The following CACNA2D2 variants were observed in gnomAD, a reference collection of about 807,000 sequenced individuals.
The protein encoded by CACNA2D2 is voltage-dependent calcium channel subunit alpha-2/delta-2.
Under a neutral mutation model 166.4 loss-of-function variants are expected in CACNA2D2, and 48 were observed. That is an observed-to-expected ratio of 0.29 (90% confidence interval 0.23 to 0.37). The LOEUF (loss-of-function observed/expected upper bound fraction) is 0.37. Ranked by LOEUF, CACNA2D2 falls within the 10% of genes least tolerant of loss-of-function variation. CACNA2D2 has a pLI of 1.00. For synonymous variants in CACNA2D2, 561 were observed against 573.7 expected, an observed-to-expected ratio of 0.98 and a Z score of 0.32; for missense variants, 1,122 against 1,433.0, an observed-to-expected ratio of 0.78 and a Z score of 3.50.
Position 50,367,701 on chromosome 3 carries a change from G to A in CACNA2D2, c.2238C>T (p.Tyr746=). 6.2e-7 allele frequency: 1 copy of A among 1,612,614 alleles called. No individual in the cohort carries two copies. Among genetic ancestry groups the A allele is most frequent in the Non-Finnish European group, 8.5e-7 (1 of 1,179,172 alleles). ...RVWRDQDLNT[Y]SLLAVFAATD... ...TGGCAGCGAACACGGCCAGTAGGCT[G>A]TACCTGGGGGTAGCAGGGGGGTGGG... The change falls in exon 26 of 38, where the codon TAC becomes TAT. Residue 746 remains tyrosine, a synonymous_variant. Coordinates refer to ENST00000424201, the MANE Select transcript of CACNA2D2 (RefSeq NM_006030.4). This position sits in a 1 kb window ranked among gnomAD's most constrained non-coding sequence, Gnocchi z 6.5.
At chr3:50,392,899 G>A (rs1373877127) in intron 4 of CACNA2D2, among the ~76,000 whole-genome samples, 1 of 152,194 alleles carries the variant, frequency 6.6e-6, no homozygotes, top group Non-Finnish European at 1.5e-5. Context: ...TCATTCATTT[G>A]TTCACCTTAG....
chr3:50,374,980 C>A (rs995674729), intron 21 of CACNA2D2, among the ~76,000 whole-genome samples, 167 bp from the exon 22 acceptor site: 1 of 152,076 alleles, frequency 6.6e-6, no homozygotes, highest in Non-Finnish European at 1.5e-5. Context: ...GTCTAGGGGC[C>A]GGCACCCTGG....
chr3:50,364,322 C>A lies in CACNA2D2; in HGVS notation c.*344G>T. On this transcript the variant is annotated 3_prime_UTR_variant, in exon 38 of 38. Coordinates refer to ENST00000424201, the MANE Select transcript of CACNA2D2 (RefSeq NM_006030.4). ...GGGTCAGCTGAGGCAGGGTCCCCCC[C>A]AACATAGGCAGCCTCCAGGAAGGGC... 1 of 304,852 alleles carries A rather than the reference C, an allele frequency of 3.3e-6. No homozygotes were observed. The highest frequency in any genetic ancestry group is 6.1e-6 in the Non-Finnish European group (1 of 164,762). 18.9% of individuals were successfully genotyped at this position (304,852 alleles called of 1,614,324 possible).
chr3:50,485,793 T>C (rs1268930296), intron 1 of CACNA2D2, among the ~76,000 whole-genome samples: 1 of 152,182 alleles, frequency 6.6e-6, no homozygotes, highest in African/African-American at 2.4e-5. Context: ...GCACCAGTTT[T>C]CACTGTTTGA....
chr3:50,371,996 A>G (rs1483187846), intron 22 of CACNA2D2, among the ~76,000 whole-genome samples: 2 of 151,348 alleles, frequency 1.3e-5, no homozygotes, highest in South Asian at 4.2e-4. Context: ...TAGGCTGGAC[A>G]GGGCCCCTAG....
chr3:50,399,907 C>T (rs555300838), intron 3 of CACNA2D2, among the ~76,000 whole-genome samples: 1 of 152,166 alleles, frequency 6.6e-6, no homozygotes, highest in Non-Finnish European at 1.5e-5. Flanking sequence ...GCTGTCCCTC[C>T]GAGTTGCCCC....
intron 1 of CACNA2D2, among the ~76,000 whole-genome samples, chr3:50,499,221 T>A (rs535629301): frequency 6.6e-6 from 1 of 152,178 alleles, no homozygotes; most frequent in South Asian, 2.1e-4. Context: ...GTGTGAGACC[T>A]TGAAGGAGGG....
At chr3:50,387,944 A>T (rs959730832) in intron 4 of CACNA2D2, among the ~76,000 whole-genome samples, 3 of 152,222 alleles carry the variant, frequency 2.0e-5, no homozygotes, top group Non-Finnish European at 4.4e-5. Flanking sequence ...AGCACCAGGG[A>T]GTGAGGAAGA....
chr3:50,480,663 C>T (rs1251305672), intron 1 of CACNA2D2, among the ~76,000 whole-genome samples: 3 of 150,292 alleles, frequency 2.0e-5, no homozygotes, highest in Admixed American at 6.6e-5. Flanking sequence ...ATCATCTGTG[C>T]GTGGGGTGAG....
At chr3:50,373,619 G>T (rs1017740983) in intron 22 of CACNA2D2, among the ~76,000 whole-genome samples, 62 of 90,872 alleles carry the variant, frequency 6.8e-4, no homozygotes, top group East Asian at 5.8e-3. Flanking sequence ...GGGACTGAAG[G>T]GGGGGGGGTG....
rs1374797821 is a variant in CACNA2D2 at position 50,364,880 on chromosome 3, C to T, written c.3291+8G>A. On this transcript the variant is annotated splice_region_variant and intron_variant, in intron 37 of 37. Coordinates refer to ENST00000424201, the MANE Select transcript of CACNA2D2 (RefSeq NM_006030.4). Reference sequence around the variant, plus strand: ...CGGGATTTCGGGTCCACCGCCCCCTCTCCTCACTGTCGCGTTGTAGTCGAA... The same window carrying T: ...CGGGATTTCGGGTCCACCGCCCCCTTTCCTCACTGTCGCGTTGTAGTCGAA... The T allele has an allele frequency of 1.2e-6, 2 of 1,613,422 alleles. No homozygotes were observed. The highest frequency in any genetic ancestry group is 3.3e-5 in the Admixed American group (2 of 60,022).
Position 50,375,873 on chromosome 3 carries a change from C to T in CACNA2D2, c.1781G>A (p.Arg594Gln), listed in dbSNP as rs146908394. 50 of 1,613,044 alleles carry T rather than the reference C, an allele frequency of 3.1e-5. No homozygotes were observed. The Middle Eastern group carries it at 5.0e-4, about 16-fold the overall frequency. ...GCCCTTGTTGCCATCAATCATGCTCCGACGGATCTGGAAGGGCCAGAGATG... is the reference window on the plus strand; with the variant it reads ...GCCCTTGTTGCCATCAATCATGCTCTGACGGATCTGGAAGGGCCAGAGATG... ...LEDENKEEIRRSMIDGNKGHK... is the reference protein window; with the variant it reads ...LEDENKEEIRQSMIDGNKGHK... The change falls in exon 20 of 38, where the codon CGG becomes CAG. Residue 594 changes from arginine (R) to glutamine (Q), a missense_variant. Arg to Gln is a conservative substitution (Grantham distance 43). Transcript: ENST00000424201. The surrounding 1 kb of genome is among the most constrained non-coding windows in gnomAD (Gnocchi z 4.0).
rs941147363 is a variant in CACNA2D2 at position 50,367,237 on chromosome 3, G to A, written c.2402-128C>T. ...GCCCAAGCACCCAGCACTCAGGACA[G>A]TGTTTGGCACAGTCTATCCCTCTTT... On this transcript the variant is annotated intron_variant, in intron 27 of 37. Coordinates refer to ENST00000424201, the MANE Select transcript of CACNA2D2 (RefSeq NM_006030.4). This position sits in a 1 kb window ranked among gnomAD's most constrained non-coding sequence, Gnocchi z 6.5. The A allele has an allele frequency of 4.1e-6, 4 of 986,242 alleles. No homozygotes were observed. The South Asian group carries it at 4.2e-5, about 10-fold the overall frequency. The allele number at this position is 986,242 out of a possible 1,614,324, so 61.1% of individuals were successfully genotyped here. A position where few individuals can be genotyped will look rare whatever the true frequency, so the allele number is the denominator to read the frequency against.
At chr3:50,473,243 C>A in intron 2 of CACNA2D2, among the ~76,000 whole-genome samples, 1 of 152,320 alleles carries the variant, frequency 6.6e-6, no homozygotes, top group East Asian at 1.9e-4. Flanking sequence ...CCCAGCCATG[C>A]CCTCATGGGG....
intron 1 of CACNA2D2, among the ~76,000 whole-genome samples, chr3:50,488,865 A>C: frequency 6.6e-6 from 1 of 151,624 alleles, no homozygotes; most frequent in East Asian, 1.9e-4. Flanking sequence ...ACACCTGGCT[A>C]ATTTTTTTGT....
Position 50,476,119 on chromosome 3 carries a change from T to G in CACNA2D2, c.287A>C (p.Glu96Ala), listed in dbSNP as rs1173210677. 1 of 1,598,092 alleles carries G rather than the reference T, an allele frequency of 6.3e-7. No individual in the cohort carries two copies. Among genetic ancestry groups the G allele is most frequent in the Non-Finnish European group, 8.5e-7 (1 of 1,172,794 alleles). Residue 96 changes from glutamate to alanine, a missense_variant and splice_region_variant, in exon 2 of 38, where the codon GAG becomes GCG. Glu to Ala is a moderately radical substitution (Grantham distance 107). Around this residue, in one of 2 missense-constraint regions of CACNA2D2, gnomAD observed 840 missense variants for 1,166.8 expected, o/e 0.72. Transcript: ENST00000424201. ...GACAGCAAGTGGCACCGGGCTCACCTCACGGAGCTGCTGGACGCCTCCAAA... is the reference window on the plus strand; with the variant it reads ...GACAGCAAGTGGCACCGGGCTCACCGCACGGAGCTGCTGGACGCCTCCAAA... ...RIFGGVQQLR[E>A]IYKDNRNLFE... is the part of the protein sequence containing the mutation.
intron 2 of CACNA2D2, among the ~76,000 whole-genome samples, chr3:50,467,274 G>C (rs1337595059): frequency 6.6e-6 from 1 of 152,166 alleles, no homozygotes; most frequent in Non-Finnish European, 1.5e-5. Flanking sequence ...GCAATCCAGG[G>C]ATCATCTATG....
At chr3:50,468,126 G>A (rs145314336) in intron 2 of CACNA2D2, among the ~76,000 whole-genome samples, 28 of 152,322 alleles carry the variant, frequency 1.8e-4, no homozygotes, top group Admixed American at 5.2e-4. Context: ...CCAGGGGGCC[G>A]AGCATAAACC....
At position 50,365,154 on chromosome 3, in the gene CACNA2D2, G is replaced by C. The variant is rs780332550; in HGVS notation, c.3129C>G (p.Thr1043=). The change falls in exon 36 of 38, where the codon ACC becomes ACG. Residue 1043 remains threonine (T), a synonymous_variant. Coordinates refer to ENST00000424201, the MANE Select transcript of CACNA2D2 (RefSeq NM_006030.4). This position sits in a 1 kb window ranked among gnomAD's most constrained non-coding sequence, Gnocchi z 4.5. The part of the protein sequence containing the change: ...RLFHAQRLTN[T]NLLFVVAEKP... ...TCTCGGCCACCACAAAGAGAAGATT[G>C]GTGTTGGTCAGTCTCTGCGCGTGGA... 1 of 1,612,178 alleles carries C rather than the reference G, an allele frequency of 6.2e-7. No individual in the cohort carries two copies. Among genetic ancestry groups the C allele is most frequent in the East Asian group, 2.2e-5 (1 of 44,848 alleles).
Sources: allele counts gnomAD v4.1 joint callset (sites outside exome capture counted in the v4.1 genomes callset), GRCh38; gene constraint gnomAD v4.1.1; regional missense constraint gnomAD v4.1.1; non-coding constraint Gnocchi (gnomAD v3.1); transcripts MANE v1.5; gene names NCBI Gene and HGNC (gene_info 2026-07-23, HGNC 2026-07-21).